Variants in PLPP3 observed in about 807,000 individuals in gnomAD.
PLPP3 encodes the protein PAP2 beta.
In PLPP3, 6 loss-of-function variants were observed where a neutral mutation model predicts 29.6. The observed-to-expected ratio is 0.20, with a 90% CI of 0.11 to 0.40. The LOEUF (loss-of-function observed/expected upper bound fraction) is 0.40, where lower values mean the gene tolerates loss of function less well. Ranked by LOEUF, PLPP3 falls within the 10% of genes least tolerant of loss-of-function variation. PLPP3 has a pLI of 1.00. For synonymous variants in PLPP3, 152 were observed against 159.7 expected (o/e 0.95, Z 0.36); for missense variants, 308 against 407.7 (o/e 0.76, Z 2.11).
chr1:56,544,412 A>G (rs1209155188), intron 1 of PLPP3, among the ~76,000 whole-genome samples: 2 of 152,208 alleles, frequency 1.3e-5, no homozygotes, highest in South Asian at 4.1e-4. Flanking sequence ...AGGACTCATA[A>G]TCCTTCCATC....
chr1:56,532,256 C>A (rs1361388111), intron 2 of PLPP3, among the ~76,000 whole-genome samples: 2 of 152,136 alleles, frequency 1.3e-5, no homozygotes, highest in Non-Finnish European at 2.9e-5. Context: ...CAGGGGACAA[C>A]ACAGTTGAAG....
intron 1 of PLPP3, among the ~76,000 whole-genome samples, chr1:56,540,818 C>T (rs1645963974): frequency 6.6e-6 from 1 of 152,092 alleles, no homozygotes; most frequent in Non-Finnish European, 1.5e-5. Context: ...GCAGCTAGTC[C>T]AACTAGGCAA....
At chr1:56,499,058 G>A (rs983924604) in intron 5 of PLPP3, among the ~76,000 whole-genome samples, 6 of 149,196 alleles carry the variant, frequency 4.0e-5, no homozygotes, top group African/African-American at 1.3e-4. Flanking sequence ...AATATAGCTG[G>A]GGACAGCTCC....
intron 2 of PLPP3, among the ~76,000 whole-genome samples, chr1:56,529,020 AC>A (rs1645870061): frequency 6.6e-6 from 1 of 151,824 alleles, no homozygotes; most frequent in African/African-American, 2.4e-5. Context: ...CTCATCTTCC[AC>A]CGCTGAGTCT....
At chr1:56,566,517 A>G (rs1646162903) in intron 1 of PLPP3, among the ~76,000 whole-genome samples, 1 of 152,190 alleles carries the variant, frequency 6.6e-6, no homozygotes, top group African/African-American at 2.4e-5. Flanking sequence ...CCTAGCTAGC[A>G]CTCAATAAAT....
chr1:56,545,575 G>A (rs1294618647), intron 1 of PLPP3, among the ~76,000 whole-genome samples: 9 of 152,102 alleles, frequency 5.9e-5, no homozygotes, highest in Non-Finnish European at 1.2e-4. Flanking sequence ...AGCAAGACCC[G>A]GAACCCTGAC....
At chr1:56,542,704 T>C (rs1397653090) in intron 1 of PLPP3, among the ~76,000 whole-genome samples, 1 of 152,164 alleles carries the variant, frequency 6.6e-6, no homozygotes, top group Non-Finnish European at 1.5e-5. Context: ...ATAGCATAAT[T>C]ACTCAAATTG....
At chr1:56,508,327 T>C (rs532455420) in intron 5 of PLPP3, among the ~76,000 whole-genome samples, 25 of 152,316 alleles carry the variant, frequency 1.6e-4, no homozygotes, top group Admixed American at 3.9e-4. Context: ...TCAGGCTGTC[T>C]GGGGTCAACT....
chr1:56,527,054 T>G (rs1645856900), intron 2 of PLPP3, among the ~76,000 whole-genome samples: 1 of 152,172 alleles, frequency 6.6e-6, no homozygotes, highest in Non-Finnish European at 1.5e-5. Flanking sequence ...TTTTATGAAT[T>G]TACTGATTAA....
chr1:56,540,365 T>G (rs548096287), intron 1 of PLPP3, among the ~76,000 whole-genome samples: 1 of 152,034 alleles, frequency 6.6e-6, no homozygotes, highest in South Asian at 2.1e-4. Context: ...GAGAAGAAAG[T>G]CAAGGCAATA....
intron 1 of PLPP3, among the ~76,000 whole-genome samples, chr1:56,570,338 CG>C: frequency 6.6e-6 from 1 of 152,194 alleles, no homozygotes; most frequent in South Asian, 2.1e-4. Context: ...TATGACAAGG[CG>C]CTTATAATGA....
intron 2 of PLPP3, among the ~76,000 whole-genome samples, chr1:56,532,814 C>T (rs1382962287): frequency 2.6e-5 from 4 of 152,132 alleles, no homozygotes; most frequent in Admixed American, 6.6e-5. Context: ...CAAATCAGAT[C>T]TGTCTCTCCC....
At chr1:56,578,774 T>G (rs958872913) in intron 1 of PLPP3, 104 bp downstream of exon 1, 3 of 1,213,704 alleles carry the variant, frequency 2.5e-6, no homozygotes, top group African/African-American at 3.2e-5. Context: ...CCCCCGGAGC[T>G]GACGGCGCGG....
At chr1:56,555,183 C>T (rs996160885) in intron 1 of PLPP3, among the ~76,000 whole-genome samples, 1 of 151,922 alleles carries the variant, frequency 6.6e-6, no homozygotes, top group African/African-American at 2.4e-5. Context: ...AGGGCTGAAA[C>T]CAATGCTGTT....
Position 56,543,276 on chromosome 1 carries a change from G to A in PLPP3, c.140-6164C>T, listed in dbSNP as rs115859462. Among the ~76,000 whole-genome samples the A allele has an allele frequency of 3.8e-3, 586 of 152,254 alleles. 10 individuals carry two copies. Among genetic ancestry groups the A allele is most frequent in the African/African-American group, 0.013 (543 of 41,546 alleles). On this transcript the variant is annotated intron_variant, in intron 1 of 5. Transcript: ENST00000371250. ...TTAATCTCCACGATAGCTATGAAAC[G>A]TTGTGGGTTATTATTTTCATGTATA...
At chr1:56,511,542 C>T (rs1645741395) in intron 5 of PLPP3, among the ~76,000 whole-genome samples, 1 of 152,136 alleles carries the variant, frequency 6.6e-6, no homozygotes, top group Non-Finnish European at 1.5e-5. Flanking sequence ...TCCACCAAAA[C>T]AGCATGTGAG....
chr1:56,554,022 C>T lies in PLPP3; in HGVS notation c.140-16910G>A, dbSNP rs562021598. Among the ~76,000 whole-genome samples the T allele has an allele frequency of 4.0e-5, 6 of 150,988 alleles. No individual in the cohort carries two copies. The South Asian group carries it at 6.3e-4, about 16-fold the overall frequency. On this transcript the variant is annotated intron_variant, in intron 1 of 5. Coordinates refer to ENST00000371250, the MANE Select transcript of PLPP3 (RefSeq NM_003713.5). ...CATTATTTATTTCACATACTGACCA[C>T]GTATTATGAAAGTCATCAAGCCTTT... is the stretch of plus-strand genomic sequence containing the variant.
chr1:56,525,823 G>A (rs1365907586), intron 2 of PLPP3, among the ~76,000 whole-genome samples: 1 of 152,104 alleles, frequency 6.6e-6, no homozygotes, highest in Non-Finnish European at 1.5e-5. Flanking sequence ...GGCATATCCG[G>A]ACACTCCTTT....
At chr1:56,544,996 C>T (rs1645995731) in intron 1 of PLPP3, among the ~76,000 whole-genome samples, 1 of 150,698 alleles carries the variant, frequency 6.6e-6, no homozygotes, top group South Asian at 2.1e-4. Flanking sequence ...CACATTTGAT[C>T]TTCCTAACAA....
Sources: gnomAD v4.1 joint callset for allele counts (sites outside exome capture counted in the v4.1 genomes callset) on GRCh38, gnomAD v4.1.1 for gene constraint, MANE v1.5 for transcripts, NCBI Gene and HGNC (gene_info 2026-07-23, HGNC 2026-07-21) for gene names.